Variants in CUL3 observed in about 807,000 individuals in gnomAD.
CUL3 encodes the protein cullin-3.
A neutral mutation model predicts 89.1 loss-of-function variants in CUL3; 19 were observed. That is an observed-to-expected ratio of 0.21 (90% CI 0.15 to 0.31). The LOEUF (loss-of-function observed/expected upper bound fraction) is 0.31, where lower values mean the gene tolerates loss of function less well. CUL3 is among the 10% of genes least tolerant of loss of function. CUL3 has a pLI of 1.00. For missense variants in CUL3, 469 were observed against 942.3 expected (o/e 0.50, Z 6.58); for synonymous variants, 351 against 308.4 (o/e 1.14, Z -1.45).
chr2:224,479,577 G>A (rs530542555), intron 14 of CUL3: 1 of 152,208 alleles, frequency 6.6e-6, no homozygotes, highest in Non-Finnish European at 1.5e-5. Flanking sequence ...CAATATGGGT[G>A]GTAAACAGAT....
chr2:224,559,268 A>C (rs575651865), intron 1 of CUL3, among the ~76,000 whole-genome samples: 65 of 151,940 alleles, frequency 4.3e-4, no homozygotes, highest in Admixed American at 7.9e-4. Context: ...TGGGCAATAC[A>C]GTGAGACCCT....
At chr2:224,554,255 T>C (rs1173927210) in intron 2 of CUL3, among the ~76,000 whole-genome samples, 1 of 152,230 alleles carries the variant, frequency 6.6e-6, no homozygotes, top group Non-Finnish European at 1.5e-5. Flanking sequence ...TTACAAAGGC[T>C]ACTCCAAGTC....
At chr2:224,505,204 C>T (rs137864818) in intron 8 of CUL3, among the ~76,000 whole-genome samples, 2 of 149,562 alleles carry the variant, frequency 1.3e-5, no homozygotes, top group African/African-American at 4.9e-5. Context: ...GTGGCGTCAT[C>T]TTGGCTCACT....
In CUL3 at chr2:224,585,358, G is replaced by GTCC. The variant is rs980276130; in HGVS notation, c.-352_-350dup. On this transcript the variant is annotated 5_prime_UTR_variant, in exon 1 of 16. Coordinates refer to ENST00000264414, the MANE Select transcript of CUL3 (RefSeq NM_003590.5). ...CATCTCACTGCGCAGGCCGAACGTC[G>GTCC]TCCTCCTCCTCCTCCTTCTCCTCCT... The GTCC allele has an allele frequency of 2.0e-5, 8 of 400,394 alleles. No individual in the cohort carries two copies. The highest frequency in any genetic ancestry group is 4.4e-5 in the Admixed American group (1 of 22,700). The allele number at this position is 400,394 out of a possible 1,614,324, so 24.8% of individuals were successfully genotyped here.
At chr2:224,525,434 G>A (rs576185749) in intron 3 of CUL3, among the ~76,000 whole-genome samples, 7 of 152,096 alleles carry the variant, frequency 4.6e-5, no homozygotes, top group African/African-American at 9.7e-5. Flanking sequence ...CACAAAAATG[G>A]AGATAACATT....
In CUL3 at chr2:224,540,059, C is replaced by CT. The variant is rs34875800; in HGVS notation, c.265-4419dup. On this transcript the variant is annotated intron_variant, in intron 2 of 15. Transcript: ENST00000264414. ...AATCTTAGTACCTTCCATCCTCCAC[C>CT]TTTTTTTTTTTTTTTTAGATGGAGT... Among the ~76,000 whole-genome samples the CT allele has an allele frequency of 5.4e-4, 76 of 140,034 alleles. 1 individual carries two copies. The highest frequency in any genetic ancestry group is 7.8e-4 in the Non-Finnish European group (51 of 65,080). 91.9% of individuals were successfully genotyped at this position (140,034 alleles called of 152,430 possible). A position where few individuals can be genotyped will look rare whatever the true frequency, so the allele number is the denominator to read the frequency against.
intron 3 of CUL3, among the ~76,000 whole-genome samples, chr2:224,531,166 C>T (rs999612687): frequency 2.7e-5 from 4 of 149,472 alleles, no homozygotes; most frequent in African/African-American, 7.4e-5. Flanking sequence ...TGGCTTCCTG[C>T]AACCTCTGCC....
At position 224,472,158 on chromosome 2, in the gene CUL3, T is replaced by C; in HGVS notation, c.*2087A>G. On this transcript the variant is annotated 3_prime_UTR_variant, in exon 16 of 16. Coordinates refer to ENST00000264414, the MANE Select transcript of CUL3 (RefSeq NM_003590.5). ...CAATTCAGAAATGTTTTAATGTATT[T>C]AGAAGCATAAATATCAAACCTGTGC... 1 of 228,100 alleles carries C rather than the reference T, an allele frequency of 4.4e-6. No individual in the cohort carries two copies. Among genetic ancestry groups the C allele is most frequent in the Non-Finnish European group, 8.7e-6 (1 of 114,846 alleles). 14.1% of individuals were successfully genotyped at this position (228,100 alleles called of 1,614,324 possible).
At chr2:224,508,356 TACTTAGC>T (rs1692683210) in intron 6 of CUL3, among the ~76,000 whole-genome samples, 1 of 152,220 alleles carries the variant, frequency 6.6e-6, no homozygotes, top group African/African-American at 2.4e-5. Flanking sequence ...GCTTCTCACA[TACTTAGC>T]ATAAATTACA....
intron 12 of CUL3, among the ~76,000 whole-genome samples, chr2:224,497,269 G>A (rs979992167): frequency 5.3e-5 from 8 of 152,028 alleles, no homozygotes; most frequent in African/African-American, 1.2e-4. Context: ...AAATGCGATT[G>A]CTTTTTAAAA....
intron 5 of CUL3, among the ~76,000 whole-genome samples, chr2:224,512,391 C>T (rs1039682202): frequency 2.0e-5 from 3 of 152,146 alleles, no homozygotes; most frequent in South Asian, 2.1e-4. Flanking sequence ...CCACTGTGCC[C>T]GGCCAACACT....
At chr2:224,555,943 C>T (rs1305877053) in intron 2 of CUL3, among the ~76,000 whole-genome samples, 1 of 152,104 alleles carries the variant, frequency 6.6e-6, no homozygotes, top group Non-Finnish European at 1.5e-5. Flanking sequence ...AATAAAAACC[C>T]CAGGAAAGGA....
At chr2:224,567,023 C>T (rs1278944520) in intron 1 of CUL3, among the ~76,000 whole-genome samples, 1 of 152,156 alleles carries the variant, frequency 6.6e-6, no homozygotes, top group Admixed American at 6.5e-5. Context: ...AACGTCATGA[C>T]TTTTCTCTGC....
At chr2:224,584,600 G>A (rs2969803) in intron 1 of CUL3, among the ~76,000 whole-genome samples, 2 of 151,958 alleles carry the variant, frequency 1.3e-5, no homozygotes, top group Non-Finnish European at 2.9e-5. Context: ...GCGGCTGCTA[G>A]CAGCGCCGGA....
chr2:224,479,808 T>C (rs1005440857), intron 14 of CUL3: 4 of 152,202 alleles, frequency 2.6e-5, no homozygotes, highest in African/African-American at 7.2e-5. Context: ...CTTTGTGGAT[T>C]TGAAAACAAA....
chr2:224,584,915 G>A lies in CUL3; in HGVS notation c.66+29C>T, dbSNP rs775026747. 29 of 1,445,530 alleles carry A rather than the reference G, an allele frequency of 2.0e-5. No individual in the cohort carries two copies. The South Asian group carries it at 2.9e-4, about 14-fold the overall frequency. The allele number at this position is 1,445,530 out of a possible 1,614,324, so 89.5% of individuals were successfully genotyped here. ...GGCTCTCGGCCCGGCCCCCGGCCCC[G>A]GGGTCCCGGACGCCGAGGAGAGACT... On this transcript the variant is annotated intron_variant, in intron 1 of 15. Transcript: ENST00000264414.
chr2:224,575,602 T>G (rs950423971), intron 1 of CUL3, among the ~76,000 whole-genome samples: 3 of 152,238 alleles, frequency 2.0e-5, no homozygotes, highest in Non-Finnish European at 4.4e-5. Context: ...CTTGCATTTA[T>G]GTATAATGCT....
In CUL3 at chr2:224,535,554, TCAC is replaced by T; in HGVS notation, c.349_351del (p.Val117del). On this transcript the variant is annotated inframe_deletion, in exon 3 of 16. Transcript: ENST00000264414. ...ATGTACATTAGTATGTCTCTAATCA[TCAC>T]CATAGCTGTTTGATGATCATTCCAA... The T allele has an allele frequency of 6.2e-7, 1 of 1,602,626 alleles. No individual in the cohort carries two copies. Among genetic ancestry groups the T allele is most frequent in the Non-Finnish European group, 8.5e-7 (1 of 1,174,824 alleles).
At position 224,503,092 on chromosome 2, in the gene CUL3, A is replaced by G. The variant is rs1320625617; in HGVS notation, c.1378-20T>C. ...TTCAGTCTGTGGAGGAAAAACACAA[A>G]TATACACAAATAAATGGTAGATGTT... On this transcript the variant is annotated intron_variant, in intron 9 of 15. Transcript: ENST00000264414. The G allele has an allele frequency of 3.7e-6, 5 of 1,354,150 alleles. No homozygotes were observed. 83.9% of individuals were successfully genotyped at this position (1,354,150 alleles called of 1,614,324 possible). A position where few individuals can be genotyped will look rare whatever the true frequency, so the allele number is the denominator to read the frequency against.
Sources: gnomAD v4.1 joint callset for allele counts (sites outside exome capture counted in the v4.1 genomes callset) on GRCh38, gnomAD v4.1.1 for gene constraint, MANE v1.5 for transcripts, NCBI Gene and HGNC (gene_info 2026-07-23, HGNC 2026-07-21) for gene names.